Variants in NCKIPSD observed in about 807,000 individuals in gnomAD.
NCKIPSD encodes NCK-interacting protein with SH3 domain.
A neutral mutation model predicts 73.4 loss-of-function variants in NCKIPSD; 48 were observed. The ratio of observed to expected loss-of-function variants is 0.65; its 90% CI spans 0.52 to 0.83. The LOEUF is 0.83. NCKIPSD is among the 40% of genes least tolerant of loss of function. The probability of loss-of-function intolerance (pLI) is 0.00; values close to 1 mark genes in which losing one functional copy is unlikely to be tolerated. For missense variants in NCKIPSD, 884 were observed against 970.2 expected (o/e 0.91, Z 1.18); for synonymous variants, 422 against 403.6 (o/e 1.05, Z -0.54).
At chr3:48,679,252 G>A (rs1297777100) in intron 9 of NCKIPSD, 69 bp from the exon 10 acceptor site, 3 of 1,610,864 alleles carry the variant, frequency 1.9e-6, no homozygotes, top group Non-Finnish European at 2.5e-6. Context: ...CACCCTTCCT[G>A]GCTTTCTGTG....
chr3:48,679,289 A>T, intron 9 of NCKIPSD, 88 bp downstream of exon 9: 6 of 1,611,556 alleles, frequency 3.7e-6, no homozygotes, highest in Non-Finnish European at 5.1e-6. Flanking sequence ...TCTCCCTGCT[A>T]GGCTGTGTAG....
At position 48,682,057 on chromosome 3, in the gene NCKIPSD, C is replaced by T. The variant is rs1483800957; in HGVS notation, c.586G>A (p.Ala196Thr). The stretch of plus-strand genomic sequence containing the variant: ...CCTGCCTTCTTACCACTCCCAGAGG[C>T]CATCAGGGCCTCGCGGTCTCGGCGC... ...VKRRDREALM[A>T]SGSGGHNTMP... The change falls in exon 4 of 13, where the codon GCC becomes ACC. Residue 196 changes from alanine (A) to threonine (T), a missense_variant. Coordinates refer to ENST00000294129, the MANE Select transcript of NCKIPSD (RefSeq NM_016453.4). 6.2e-7 allele frequency: 1 copy of T among 1,601,226 alleles called. No homozygotes were observed. Among genetic ancestry groups the T allele is most frequent in the Non-Finnish European group, 8.5e-7 (1 of 1,179,866 alleles).
chr3:48,682,605 C>A, intron 2 of NCKIPSD, 53 bp from the exon 3 acceptor site: 2 of 1,584,992 alleles, frequency 1.3e-6, no homozygotes, highest in Non-Finnish European at 8.6e-7. Flanking sequence ...AGCTCAAAGT[C>A]CTCATATGCC....
At chr3:48,679,529 C>T (rs749458900) in intron 8 of NCKIPSD, 46 bp downstream of exon 8, 2 of 1,609,208 alleles carry the variant, frequency 1.2e-6, no homozygotes, top group African/African-American at 2.7e-5. Context: ...CAGGAACACC[C>T]TCCAGATAGC....
intron 1 of NCKIPSD, among the ~76,000 whole-genome samples, chr3:48,684,353 G>C (rs2077402946): frequency 6.6e-6 from 1 of 152,194 alleles, no homozygotes; most frequent in African/African-American, 2.4e-5. Context: ...AGTAGGGGAA[G>C]AGACAGGACT....
Position 48,682,910 on chromosome 3 carries a change from CTCCACGCTGT to C in NCKIPSD, c.264_273del (p.Gln89SerfsTer5). Reference sequence around the variant, plus strand: ...ACTCCCCTCAACACTCACTGGAGGACTCCACGCTGTTCCAGGCTGTACTTGCCACCATCCC... The same window carrying C: ...ACTCCCCTCAACACTCACTGGAGGACTCCAGGCTGTACTTGCCACCATCCC... On this transcript the variant is annotated frameshift_variant, in exon 2 of 13. Transcript: ENST00000294129. LOFTEE classifies it high-confidence loss of function. 1 of 1,550,788 alleles carries C rather than the reference CTCCACGCTGT, an allele frequency of 6.4e-7. No individual in the cohort carries two copies. The highest frequency in any genetic ancestry group is 8.7e-7 in the Non-Finnish European group (1 of 1,147,106).
chr3:48,675,509 C>CT (rs2077237587), intron 12 of NCKIPSD, among the ~76,000 whole-genome samples: 1 of 110,438 alleles, frequency 9.1e-6, no homozygotes, highest in African/African-American at 3.8e-5. Context: ...ATATATATAT[C>CT]ATATATATAT....
chr3:48,674,706 G>A lies in NCKIPSD; in HGVS notation c.2007C>T (p.Arg669=), dbSNP rs534325460. Residue 669 remains arginine (R), a synonymous_variant, in exon 13 of 13, where the codon CGC becomes CGT. Coordinates refer to ENST00000294129, the MANE Select transcript of NCKIPSD (RefSeq NM_016453.4). ...EYLSLMHAIV[R]TTPYLQHRHR... is the part of the protein sequence containing the mutation. ...GGCGGTGCTGCAGGTAGGGTGTGGT[G>A]CGGACTATAGCATGCATCAGGGAGA... The A allele has an allele frequency of 8.7e-6, 14 of 1,614,070 alleles. No homozygotes were observed. In the East Asian group the frequency reaches 2.0e-4, roughly 23 times the overall value.
At chr3:48,676,731 G>C (rs1466569091) in intron 12 of NCKIPSD, among the ~76,000 whole-genome samples, 1 of 152,016 alleles carries the variant, frequency 6.6e-6, no homozygotes, top group Non-Finnish European at 1.5e-5. Context: ...GGACTCAAGT[G>C]ATCCTCCCAC....
At chr3:48,684,664 T>C (rs946570586) in intron 1 of NCKIPSD, among the ~76,000 whole-genome samples, 13 of 152,198 alleles carry the variant, frequency 8.5e-5, no homozygotes, top group Non-Finnish European at 1.6e-4. Flanking sequence ...TGGGCCCTTC[T>C]TCCCCCTGTG....
At position 48,681,683 on chromosome 3, in the gene NCKIPSD, T is replaced by C. The variant is rs150906999; in HGVS notation, c.696A>G (p.Pro232=). ...SLDTLYTSSS[P]SEPGSSCSPT... is the part of the protein sequence containing the mutation. ...GTGAGCAGCTGGAGCCTGGTTCAGATGGGCTGGAGCTGGTATAGAGCGTGT... is the reference window on the plus strand; with the variant it reads ...GTGAGCAGCTGGAGCCTGGTTCAGACGGGCTGGAGCTGGTATAGAGCGTGT... The change falls in exon 5 of 13, where the codon CCA becomes CCG. Residue 232 remains proline (P), a synonymous_variant. Transcript: ENST00000294129. The C allele has an allele frequency of 1.7e-4, 271 of 1,598,870 alleles. No homozygotes were observed. The highest frequency in any genetic ancestry group is 2.1e-4 in the Non-Finnish European group (251 of 1,172,746).
chr3:48,674,554 G>T lies in NCKIPSD; in HGVS notation c.2159C>A (p.Ala720Asp). ...GAGGACAGCAAGGTGCTAGCTGGGA[G>T]CCTCCCCCAGCACCAGGAATTCCTT... ...MCKEFLVLGE[A>D]PS Residue 720 changes from alanine to aspartate, a missense_variant, in exon 13 of 13, where the codon GCT becomes GAT. Ala to Asp is a moderately radical substitution (Grantham distance 126, BLOSUM62 -2). Coordinates refer to ENST00000294129, the MANE Select transcript of NCKIPSD (RefSeq NM_016453.4). 6.3e-7 allele frequency: 1 copy of T among 1,590,838 alleles called. No homozygotes were observed. The highest frequency in any genetic ancestry group is 8.6e-7 in the Non-Finnish European group (1 of 1,167,722).
Position 48,682,078 on chromosome 3 carries a change from G to C in NCKIPSD, c.565C>G (p.Arg189Gly). The C allele has an allele frequency of 6.2e-7, 1 of 1,601,800 alleles. No homozygotes were observed. Among genetic ancestry groups the C allele is most frequent in the Non-Finnish European group, 8.5e-7 (1 of 1,179,912 alleles). The change falls in exon 4 of 13, where the codon CGA becomes GGA. Residue 189 changes from arginine (R) to glycine (G), a missense_variant. Arg to Gly is a moderately radical substitution (Grantham distance 125). Transcript: ENST00000294129. ...PTTPPPPVKR[R>G]DREALMASGS... ...GAGGCCATCAGGGCCTCGCGGTCTC[G>C]GCGCTTCACTGGTGGGGGCGGTGTG...
intron 4 of NCKIPSD, 96 bp from the exon 5 acceptor site, chr3:48,681,876 T>C (rs2077359565): frequency 6.9e-7 from 1 of 1,451,768 alleles, no homozygotes; most frequent in South Asian, 1.4e-5. Flanking sequence ...AGGGCCTAGT[T>C]TCTCTGCTAG....
chr3:48,685,566 T>C (rs982408154), intron 1 of NCKIPSD, 71 bp downstream of exon 1: 142 of 1,447,154 alleles, frequency 9.8e-5, no homozygotes, highest in Non-Finnish European at 1.2e-4. Flanking sequence ...GGTCCCTGGG[T>C]CGGTTCCGCG....
chr3:48,679,102 G>A lies in NCKIPSD; in HGVS notation c.1652C>T (p.Pro551Leu), dbSNP rs1559492178. 4 of 1,614,074 alleles carry A rather than the reference G, an allele frequency of 2.5e-6. No individual in the cohort carries two copies. The highest frequency in any genetic ancestry group is 2.5e-6 in the Non-Finnish European group (3 of 1,180,006). Residue 551 changes from proline (P) to leucine (L), a missense_variant, in exon 10 of 13, where the codon CCG (proline) becomes CTG (leucine). Transcript: ENST00000294129. ...GLPLDTTEQL[P>L]DLCVNLLLAL... ...CAGAAGCAGGTTCACGCAGAGGTCC[G>A]GCAGCTGCTCTGTGGTGTCCAAGGG... is the stretch of plus-strand genomic sequence containing the variant.
rs563262573 is a variant in NCKIPSD, at chr3:48,684,019, C to CACACAG, written c.172-1008_172-1007insCTGTGT. ...ACACACACACACACACACACACACA[C>CACACAG]AGAGAGAGAGAGAAAGAAAGGAATG... On this transcript the variant is annotated intron_variant, in intron 1 of 12. Transcript: ENST00000294129. Among the ~76,000 whole-genome samples, 1,104 of 141,212 alleles carry CACACAG rather than the reference C, an allele frequency of 7.8e-3. 12 individuals carry two copies. The highest frequency in any genetic ancestry group is 0.026 in the African/African-American group (919 of 35,742). The allele number at this position is 141,212 out of a possible 152,430, so 92.6% of individuals were successfully genotyped here.
chr3:48,674,115 C>T lies in NCKIPSD; in HGVS notation c.*429G>A. 1.8e-6 allele frequency: 2 copies of T among 1,113,718 alleles called. No homozygotes were observed. Among genetic ancestry groups the T allele is most frequent in the South Asian group, 7.5e-5 (2 of 26,828 alleles). 69.0% of individuals were successfully genotyped at this position (1,113,718 alleles called of 1,614,324 possible). ...GGGAGGACATGAGCAGCACTCACTG[C>T]AAAGCTAAGGCAAAGAATAGAGCTG... is the stretch of plus-strand genomic sequence containing the variant. On this transcript the variant is annotated 3_prime_UTR_variant, in exon 13 of 13. Transcript: ENST00000294129.
intron 12 of NCKIPSD, among the ~76,000 whole-genome samples, chr3:48,675,528 G>GATAT (rs5848856): frequency 0.18 from 22,034 of 121,862 alleles, 2,044 homozygotes; most frequent in African/African-American, 0.22. Flanking sequence ...ATATATATAT[G>GATAT]ATATATATAT....
Sources: gnomAD v4.1 joint callset for allele counts (sites outside exome capture counted in the v4.1 genomes callset) on GRCh38, gnomAD v4.1.1 for gene constraint, MANE v1.5 for transcripts, NCBI Gene and HGNC (gene_info 2026-07-23, HGNC 2026-07-21) for gene names.